The following RIF1 variants were observed in gnomAD, a reference collection of about 807,000 sequenced individuals.
The protein encoded by RIF1 is telomere-associated protein RIF1.
RIF1 carries 45 observed loss-of-function variants against 247.1 expected under a neutral mutation model. The observed-to-expected ratio is 0.18, with a 90% CI of 0.14 to 0.23. The LOEUF is 0.23. Ranked by LOEUF, RIF1 falls within the 10% of genes least tolerant of loss-of-function variation. The pLI, the probability that RIF1 is intolerant of heterozygous loss-of-function variation, is 1.00. For synonymous variants in RIF1, 1,087 were observed against 978.8 expected (o/e 1.11, Z -2.06); for missense variants, 2,967 against 2,862.5 (o/e 1.04, Z -0.83).
At position 151,454,991 on chromosome 2, in the gene RIF1, T is replaced by A; in HGVS notation, c.2441T>A (p.Phe814Tyr). 6.2e-7 allele frequency: 1 copy of A among 1,613,868 alleles called. No individual in the cohort carries two copies. The highest frequency in any genetic ancestry group is 8.5e-7 in the Non-Finnish European group (1 of 1,179,850). ...CTTATTGTGAAAGTGATCTATTCTTTCCACACACTGAGCTTCAAGGAAGCA... is the reference window on the plus strand; with the variant it reads ...CTTATTGTGAAAGTGATCTATTCTTACCACACACTGAGCTTCAAGGAAGCA... ...FKLIVKVIYS[F>Y]HTLSFKEAHS... Residue 814 changes from phenylalanine to tyrosine, a missense_variant, in exon 22 of 36, where the codon TTC (phenylalanine) becomes TAC (tyrosine). Coordinates refer to ENST00000444746, the MANE Select transcript of RIF1 (RefSeq NM_018151.5).
the RIF1 span, among the ~76,000 whole-genome samples, chr2:151,528,528 CA>C: frequency 6.6e-6 from 1 of 152,214 alleles, no homozygotes; most frequent in Non-Finnish European, 1.5e-5. Context: ...CGTCTGCCCT[CA>C]ATCCATCCTC....
the RIF1 span, chr2:151,513,817 A>G: frequency 2.9e-6 from 2 of 694,224 alleles, no homozygotes; most frequent in South Asian, 1.8e-5. Flanking sequence ...GTCGCTTGCT[A>G]CTCTTCACCT....
intron 4 of RIF1, among the ~76,000 whole-genome samples, chr2:151,416,112 T>C (rs1687183941): frequency 6.6e-6 from 1 of 152,228 alleles, no homozygotes; most frequent in Non-Finnish European, 1.5e-5. Context: ...GAAACCCTTA[T>C]CTTTAGAGAA....
downstream of RIF1, among the ~76,000 whole-genome samples, chr2:151,483,536 C>T (rs2049263462): frequency 6.6e-6 from 1 of 152,140 alleles, no homozygotes; most frequent in Admixed American, 6.5e-5. Flanking sequence ...TTATTCTCTA[C>T]TTTTATATAT....
chr2:151,476,765 CATT>C lies in RIF1; in HGVS notation c.*1696_*1698del, dbSNP rs1457768662. On this transcript the variant is annotated 3_prime_UTR_variant, in exon 36 of 36. Transcript: ENST00000444746. ...TATAATTATGATTTACATTTTACAT[CATT>C]AATTTCCCAAATTATATTTAACCGT... The C allele has an allele frequency of 3.9e-5, 6 of 152,142 alleles. No individual in the cohort carries two copies. The highest frequency in any genetic ancestry group is 8.8e-5 in the Non-Finnish European group (6 of 68,026). 9.4% of individuals were successfully genotyped at this position (152,142 alleles called of 1,614,324 possible). A position where few individuals can be genotyped will look rare whatever the true frequency, so the allele number is the denominator to read the frequency against.
chr2:151,469,965 T>C (rs1248883362), intron 34 of RIF1, 101 bp downstream of exon 34: 3 of 793,642 alleles, frequency 3.8e-6, no homozygotes, highest in South Asian at 2.5e-5. Flanking sequence ...CACAGGGAAA[T>C]TGATTCATTT....
the RIF1 span, among the ~76,000 whole-genome samples, chr2:151,523,718 CAAT>C: frequency 6.6e-6 from 1 of 152,106 alleles, no homozygotes; most frequent in Non-Finnish European, 1.5e-5. Flanking sequence ...ATTTGCTTCT[CAAT>C]AATATGAGAT....
intron 9 of RIF1, chr2:151,493,754 T>G (rs778071855): frequency 1.0e-5 from 15 of 1,493,190 alleles, no homozygotes; most frequent in Non-Finnish European, 1.4e-5. Context: ...TTTAAGGATT[T>G]ATTTTTCCTT....
Position 151,464,933 on chromosome 2 carries a change from G to A in RIF1, c.5413G>A (p.Asp1805Asn), listed in dbSNP as rs199656210. The A allele has an allele frequency of 3.2e-6, 5 of 1,574,486 alleles. No individual in the cohort carries two copies. The Admixed American group carries it at 8.0e-5, about 25-fold the overall frequency. ...NFHLGLKEDNDTINDSLIVSE... is the reference protein window; with the variant it reads ...NFHLGLKEDNNTINDSLIVSE... The stretch of plus-strand genomic sequence containing the variant: ...TCATTTGGGTCTCAAAGAGGATAAT[G>A]ATACTATTAATGATTCATTAATTGT... The change falls in exon 30 of 36, where the codon GAT becomes AAT. Residue 1805 changes from aspartate (D) to asparagine (N), a missense_variant. By Grantham distance (23) the Asp-to-Asn change is conservative (BLOSUM62 1). Transcript: ENST00000444746.
At chr2:151,427,354 G>A (rs1689285993) in intron 8 of RIF1, among the ~76,000 whole-genome samples, 1 of 151,746 alleles carries the variant, frequency 6.6e-6, no homozygotes, top group African/African-American at 2.4e-5. Flanking sequence ...GGGATTACAG[G>A]CATGTGCCAC....
intron 20 of RIF1, among the ~76,000 whole-genome samples, chr2:151,451,128 G>A (rs187095949): frequency 6.6e-6 from 1 of 152,242 alleles, no homozygotes; most frequent in East Asian, 1.9e-4. Flanking sequence ...ATGGTCATGC[G>A]CCTCATAACA....
At chr2:151,470,734 G>T (rs192746831) in intron 34 of RIF1, among the ~76,000 whole-genome samples, 5 of 152,208 alleles carry the variant, frequency 3.3e-5, no homozygotes, top group Admixed American at 3.3e-4. Context: ...ATTCTTGAAG[G>T]TCCTTGATTT....
chr2:151,506,414 G>C, intron 13 of RIF1: 2 of 620,378 alleles, frequency 3.2e-6, no homozygotes, highest in Non-Finnish European at 5.7e-6. Context: ...TTCCATGTCA[G>C]TATCAGTGAC....
chr2:151,421,897 C>G (rs1573893089), intron 7 of RIF1, among the ~76,000 whole-genome samples: 1 of 151,514 alleles, frequency 6.6e-6, no homozygotes, highest in East Asian at 1.9e-4. Flanking sequence ...TGCAGTGGCG[C>G]AGTCTCAGCT....
intron 10 of RIF1, 121 bp from the exon 11 acceptor site, chr2:151,435,342 G>T: frequency 1.5e-6 from 1 of 654,686 alleles, no homozygotes; most frequent in Non-Finnish European, 2.7e-6. Flanking sequence ...TTTGTGCATG[G>T]AAACGATCTG....
At chr2:151,519,213 C>A in the RIF1 span, 1 of 663,102 alleles carries the variant, frequency 1.5e-6, no homozygotes, top group Admixed American at 2.2e-5. Flanking sequence ...AGCCAGAAGG[C>A]AGAAACAACC....
chr2:151,429,810 CAAGA>C lies in RIF1; in HGVS notation c.925+894_925+897del, dbSNP rs1689751552. ...ATGGAGTTTTCTGATAATATATTCA[CAAGA>C]AAGAATATTTAGCCCAAAACTGTGT... On this transcript the variant is annotated intron_variant, in intron 9 of 35. Coordinates refer to ENST00000444746, the MANE Select transcript of RIF1 (RefSeq NM_018151.5). Among the ~76,000 whole-genome samples the C allele has an allele frequency of 3.9e-5, 6 of 152,158 alleles. No individual in the cohort carries two copies. In the South Asian group the frequency reaches 1.2e-3, roughly 32 times the overall value.
chr2:151,515,684 G>A, the RIF1 span, among the ~76,000 whole-genome samples: 3 of 152,166 alleles, frequency 2.0e-5, no homozygotes, highest in Non-Finnish European at 2.9e-5. Flanking sequence ...TTGTAATTTT[G>A]TTATTTTAAT....
chr2:151,517,763 G>A, the RIF1 span, among the ~76,000 whole-genome samples: 1 of 152,142 alleles, frequency 6.6e-6, no homozygotes. Context: ...CATAGAAAAG[G>A]TACAGTAAAA....
Sources: allele counts gnomAD v4.1 joint callset (sites outside exome capture counted in the v4.1 genomes callset), GRCh38; gene constraint gnomAD v4.1.1; transcripts MANE v1.5; gene names NCBI Gene and HGNC (gene_info 2026-07-23, HGNC 2026-07-21).